The following NLGN1 variants were observed in gnomAD, a reference collection of about 807,000 sequenced individuals.
The protein encoded by NLGN1 is neuroligin 1, also known as neuroligin-1.
Under a neutral mutation model 65.5 loss-of-function variants are expected in NLGN1, and 12 were observed. The observed-to-expected ratio is 0.18, with a 90% CI of 0.12 to 0.30. NLGN1 has a LOEUF of 0.30. NLGN1 is among the 10% of genes least tolerant of loss of function. The pLI is 1.00. For synonymous variants in NLGN1, 350 were observed against 359.5 expected (o/e 0.97, Z 0.30); for missense variants, 750 against 1,007.1 (o/e 0.74, Z 3.46).
At chr3:173,771,872 A>G (rs1232251615) in intron 3 of NLGN1, among the ~76,000 whole-genome samples, 1 of 151,888 alleles carries the variant, frequency 6.6e-6, no homozygotes, top group Non-Finnish European at 1.5e-5. Flanking sequence ...AAAAATATAC[A>G]TATACATGCA....
At chr3:173,790,455 T>G (rs560308484) in intron 3 of NLGN1, among the ~76,000 whole-genome samples, 2 of 152,270 alleles carry the variant, frequency 1.3e-5, no homozygotes, top group East Asian at 1.9e-4. Context: ...TGTATTCTCT[T>G]TATAGATCAG....
chr3:173,649,916 C>T (rs2149634092), intron 3 of NLGN1, among the ~76,000 whole-genome samples: 1 of 152,028 alleles, frequency 6.6e-6, no homozygotes, highest in East Asian at 1.9e-4. Flanking sequence ...AAAATGTATA[C>T]TCAAATATTT....
intron 3 of NLGN1, among the ~76,000 whole-genome samples, chr3:173,626,901 G>A (rs1394487408): frequency 1.3e-5 from 2 of 151,966 alleles, no homozygotes; most frequent in Non-Finnish European, 2.9e-5. Flanking sequence ...AAAAATAGCT[G>A]TTGTAAAAAC....
chr3:173,653,038 T>A (rs1759459640), intron 3 of NLGN1, among the ~76,000 whole-genome samples: 1 of 152,188 alleles, frequency 6.6e-6, no homozygotes, highest in Non-Finnish European at 1.5e-5. Flanking sequence ...TTGTTCTCGG[T>A]TTCATTGTTG....
chr3:174,180,295 T>A (rs1380687656), intron 4 of NLGN1, among the ~76,000 whole-genome samples: 1 of 152,178 alleles, frequency 6.6e-6, no homozygotes, highest in East Asian at 1.9e-4. Context: ...GCTTTGTAGC[T>A]TCCTCACTTT....
chr3:173,967,117 C>T (rs545373614), intron 4 of NLGN1, among the ~76,000 whole-genome samples: 58 of 152,274 alleles, frequency 3.8e-4, no homozygotes, highest in African/African-American at 1.4e-3. Flanking sequence ...ATTTACTGGG[C>T]TAGACATGTA....
chr3:173,759,237 C>T (rs1046450881), intron 3 of NLGN1, among the ~76,000 whole-genome samples: 5 of 151,842 alleles, frequency 3.3e-5, no homozygotes, highest in Admixed American at 1.3e-4. Flanking sequence ...TATGCATCTT[C>T]CTTTCACTAA....
At chr3:174,093,033 C>T in intron 4 of NLGN1, among the ~76,000 whole-genome samples, 1 of 152,178 alleles carries the variant, frequency 6.6e-6, no homozygotes, top group East Asian at 1.9e-4. Context: ...TACCTAACAA[C>T]AGTGAATGCA....
At chr3:174,098,345 A>AG (rs1711570162) in intron 4 of NLGN1, among the ~76,000 whole-genome samples, 3 of 152,192 alleles carry the variant, frequency 2.0e-5, no homozygotes, top group African/African-American at 7.2e-5. Context: ...GGAAAAAAAA[A>AG]TTAAGAGGAA....
intron 4 of NLGN1, among the ~76,000 whole-genome samples, chr3:174,266,399 T>C (rs2152869162): frequency 6.6e-6 from 1 of 152,324 alleles, no homozygotes; most frequent in Non-Finnish European, 1.5e-5. Flanking sequence ...TGTTCTTTTT[T>C]ATGGCTGCAT....
intron 3 of NLGN1, among the ~76,000 whole-genome samples, chr3:173,663,562 T>C (rs1019823555): frequency 5.9e-5 from 9 of 151,932 alleles, no homozygotes; most frequent in African/African-American, 2.2e-4. Context: ...ATAAATAGCA[T>C]TGGAAAGGTA....
intron 2 of NLGN1, among the ~76,000 whole-genome samples, chr3:173,599,369 C>T (rs1750063438): frequency 6.6e-6 from 1 of 152,126 alleles, no homozygotes; most frequent in South Asian, 2.1e-4. Context: ...ACTCTGGCTT[C>T]TTTGTTCTCC....
chr3:174,026,213 AC>A (rs1340311196), intron 4 of NLGN1, among the ~76,000 whole-genome samples: 6 of 152,062 alleles, frequency 3.9e-5, no homozygotes, highest in Non-Finnish European at 8.8e-5. Context: ...TGCAGCCTTG[AC>A]CTCATGGGCT....
At chr3:173,900,274 C>T (rs1737099438) in intron 4 of NLGN1, among the ~76,000 whole-genome samples, 1 of 152,058 alleles carries the variant, frequency 6.6e-6, no homozygotes, top group African/African-American at 2.4e-5. Flanking sequence ...TTTTTAAATA[C>T]TAACAACTTC....
rs1249472927 is a variant in NLGN1 at position 173,765,094 on chromosome 3, GTGTGTA to G, written c.494-42582_494-42577del. 3.8e-3 allele frequency among the ~76,000 whole-genome samples: 514 copies of G among 136,086 alleles called. 8 individuals carry two copies. Among genetic ancestry groups the G allele is most frequent in the African/African-American group, 0.013 (441 of 34,700 alleles). 89.3% of individuals were successfully genotyped at this position (136,086 alleles called of 152,430 possible). A position where few individuals can be genotyped will look rare whatever the true frequency, so the allele number is the denominator to read the frequency against. On this transcript the variant is annotated intron_variant, in intron 3 of 6. Coordinates refer to ENST00000457714, the Ensembl canonical transcript of NLGN1. ...TGTGTGTGTGTGTGTGTGTGTGTGT[GTGTGTA>G]TGTATGCACACATACATTTGTATGG... is the stretch of plus-strand genomic sequence containing the variant.
chr3:173,448,827 T>C (rs1448513914), intron 2 of NLGN1, among the ~76,000 whole-genome samples: 1 of 152,158 alleles, frequency 6.6e-6, no homozygotes, highest in African/African-American at 2.4e-5. Context: ...CCATTTCTTC[T>C]AGATTTTCTA....
chr3:174,169,119 G>A (rs929361576), intron 4 of NLGN1, among the ~76,000 whole-genome samples: 1 of 151,046 alleles, frequency 6.6e-6, no homozygotes, highest in African/African-American at 2.4e-5. Flanking sequence ...GTACAGGAAG[G>A]GTGGAGTGAC....
At chr3:173,803,723 AG>A (rs1312091311) in intron 3 of NLGN1, among the ~76,000 whole-genome samples, 2 of 152,338 alleles carry the variant, frequency 1.3e-5, no homozygotes, top group East Asian at 3.9e-4. Context: ...CAGTTTAACA[AG>A]CAGAAATTCA....
intron 2 of NLGN1, among the ~76,000 whole-genome samples, chr3:173,478,333 A>G (rs1477185234): frequency 6.6e-6 from 1 of 152,228 alleles, no homozygotes; most frequent in South Asian, 2.1e-4. Context: ...GTTCTCCCTT[A>G]TAAGTAGGGG....
Sources: gnomAD v4.1 joint callset for allele counts (sites outside exome capture counted in the v4.1 genomes callset) on GRCh38, gnomAD v4.1.1 for gene constraint, MANE v1.5 for transcripts, NCBI Gene and HGNC (gene_info 2026-07-23, HGNC 2026-07-21) for gene names.